The following ARB2A variants were observed in gnomAD, a reference collection of about 807,000 sequenced individuals.
The protein encoded by ARB2A is ARB2 cotranscriptional regulator A.
chr5:93,732,914 GTACA>G, the ARB2A span, among the ~76,000 whole-genome samples: 1 of 151,198 alleles, frequency 6.6e-6, no homozygotes, highest in Non-Finnish European at 1.5e-5. Flanking sequence ...TCCAATACCT[GTACA>G]TACATTTATA....
At chr5:93,876,140 A>G in the ARB2A span, among the ~76,000 whole-genome samples, 1 of 152,212 alleles carries the variant, frequency 6.6e-6, no homozygotes, top group Non-Finnish European at 1.5e-5. Context: ...TCGTTTTACA[A>G]AGTACTATAA....
chr5:94,058,776 T>C, the ARB2A span, among the ~76,000 whole-genome samples: 1 of 152,174 alleles, frequency 6.6e-6, no homozygotes, highest in South Asian at 2.1e-4. Context: ...GGAAGTGACA[T>C]AGTTTGGATG....
At chr5:93,781,139 T>A in the ARB2A span, among the ~76,000 whole-genome samples, 1 of 152,182 alleles carries the variant, frequency 6.6e-6, no homozygotes, top group South Asian at 2.1e-4. Context: ...TCGTACTCAA[T>A]AGGTAAGTTC....
the ARB2A span, chr5:93,735,473 T>C: frequency 6.6e-6 from 1 of 152,242 alleles, no homozygotes; most frequent in Non-Finnish European, 1.5e-5. Context: ...CTGTAGAGGC[T>C]GCAGAAGAAC....
chr5:93,705,040 A>G, the ARB2A span, among the ~76,000 whole-genome samples: 1 of 152,178 alleles, frequency 6.6e-6, no homozygotes, highest in Non-Finnish European at 1.5e-5. Context: ...GTATAAAGAC[A>G]TCTGCTTTGG....
At chr5:94,034,482 T>C in the ARB2A span, among the ~76,000 whole-genome samples, 1 of 152,214 alleles carries the variant, frequency 6.6e-6, no homozygotes, top group Non-Finnish European at 1.5e-5. Context: ...AGAGGCCAAC[T>C]GCTTAATTCT....
At chr5:93,852,364 A>C in the ARB2A span, among the ~76,000 whole-genome samples, 1 of 152,206 alleles carries the variant, frequency 6.6e-6, no homozygotes, top group Non-Finnish European at 1.5e-5. Flanking sequence ...GCCCTTTGTC[A>C]GATGAGTAGA....
chr5:93,621,647 C>T, the ARB2A span, among the ~76,000 whole-genome samples: 1 of 152,226 alleles, frequency 6.6e-6, no homozygotes, highest in Non-Finnish European at 1.5e-5. Flanking sequence ...TGTTTCCTTG[C>T]TTCCCAAGGG....
the ARB2A span, among the ~76,000 whole-genome samples, chr5:93,631,993 G>A: frequency 1.3e-5 from 2 of 152,188 alleles, no homozygotes; most frequent in African/African-American, 2.4e-5. Context: ...TGTGTGGAGA[G>A]AGAGTTTTCT....
the ARB2A span, among the ~76,000 whole-genome samples, chr5:93,770,969 G>T: frequency 6.6e-6 from 1 of 151,786 alleles, no homozygotes; most frequent in Non-Finnish European, 1.5e-5. Flanking sequence ...AGTTCATATG[G>T]AACCAAAAAA....
the ARB2A span, among the ~76,000 whole-genome samples, chr5:93,936,036 G>C: frequency 6.6e-6 from 1 of 152,106 alleles, no homozygotes; most frequent in Non-Finnish European, 1.5e-5. Flanking sequence ...AATAGACTTT[G>C]AGTATTTTTA....
chr5:93,955,343 G>A, the ARB2A span, among the ~76,000 whole-genome samples: 6 of 152,062 alleles, frequency 3.9e-5, no homozygotes, highest in African/African-American at 1.4e-4. Context: ...TGTTTATTGG[G>A]AGAAGTTCAT....
chr5:93,625,731 C>G, the ARB2A span, among the ~76,000 whole-genome samples: 1 of 152,106 alleles, frequency 6.6e-6, no homozygotes, highest in Non-Finnish European at 1.5e-5. Context: ...TAAAATGTGT[C>G]ATTTGTTTTC....
the ARB2A span, among the ~76,000 whole-genome samples, chr5:93,745,673 A>G: frequency 6.6e-6 from 1 of 151,978 alleles, no homozygotes; most frequent in African/African-American, 2.4e-5. Flanking sequence ...GAGTCTCCAA[A>G]AAAAAATTTT....
At chr5:94,064,235 G>T in the ARB2A span, among the ~76,000 whole-genome samples, 2 of 152,052 alleles carry the variant, frequency 1.3e-5, no homozygotes, top group Non-Finnish European at 2.9e-5. Context: ...TTCAATAACA[G>T]GCTAGATCAA....
the ARB2A span, among the ~76,000 whole-genome samples, chr5:94,026,720 C>CT: frequency 6.6e-6 from 1 of 152,172 alleles, no homozygotes; most frequent in African/African-American, 2.4e-5. Flanking sequence ...TGGATTTGAC[C>CT]TGTAGCTTGG....
the ARB2A span, chr5:93,743,520 T>C: frequency 1.0e-6 from 1 of 984,284 alleles, no homozygotes; most frequent in African/African-American, 1.7e-5. Context: ...GTATCTATTC[T>C]CTTGAGGTAT....
chr5:94,070,890 A>G, the ARB2A span, among the ~76,000 whole-genome samples: 1 of 152,098 alleles, frequency 6.6e-6, no homozygotes, highest in Non-Finnish European at 1.5e-5. Flanking sequence ...ACCTGTCAAT[A>G]TTAATTGCTG....
the ARB2A span, among the ~76,000 whole-genome samples, chr5:93,941,145 G>A: frequency 8.6e-5 from 13 of 152,014 alleles, no homozygotes; most frequent in South Asian, 2.1e-4. Flanking sequence ...AGCAAGTCAC[G>A]GCTTCCCCGT....
Sources: allele counts gnomAD v4.1 joint callset (sites outside exome capture counted in the v4.1 genomes callset), GRCh38; gene constraint gnomAD v4.1.1; transcripts MANE v1.5; gene names NCBI Gene and HGNC (gene_info 2026-07-23, HGNC 2026-07-21).